The following ZNF678 variants were observed in gnomAD, a reference collection of about 807,000 sequenced individuals.
ZNF678 encodes the protein zinc finger protein 678.
A neutral mutation model predicts 3.0 loss-of-function variants in ZNF678; 5 were observed. The ratio of observed to expected loss-of-function variants is 1.69; its 90% CI spans 0.88 to 3.56. The LOEUF (loss-of-function observed/expected upper bound fraction) is 3.56, where lower values mean the gene tolerates loss of function less well. Ranked by LOEUF, ZNF678 falls within the 30% of genes most tolerant of loss-of-function variation. The pLI is 0.00. For missense variants in ZNF678, 593 were observed against 605.0 expected (o/e 0.98, Z 0.21); for synonymous variants, 218 against 199.6 (o/e 1.09, Z -0.78).
At chr1:227,591,521 C>T (rs1006467260) in intron 1 of ZNF678, among the ~76,000 whole-genome samples, 3 of 152,172 alleles carry the variant, frequency 2.0e-5, no homozygotes, top group African/African-American at 7.2e-5. Context: ...TTATTAATGA[C>T]AGCACAGGCA....
chr1:227,594,078 A>G (rs1195133341), intron 1 of ZNF678, among the ~76,000 whole-genome samples: 2 of 152,178 alleles, frequency 1.3e-5, no homozygotes, highest in Non-Finnish European at 2.9e-5. Context: ...TAAATGAAGT[A>G]TATAATTTTA....
intron 1 of ZNF678, among the ~76,000 whole-genome samples, chr1:227,628,123 C>T (rs538116323): frequency 2.6e-4 from 40 of 152,326 alleles, no homozygotes; most frequent in Admixed American, 1.6e-3. Context: ...ACAGTAAGAT[C>T]TCTTCCCTGT....
chr1:227,646,572 T>C lies in ZNF678; in HGVS notation c.-135T>C, dbSNP rs772922881. ...CTACTGGCATTCAGTGATGTGGTCA[T>C]AGAATTCTCTCCAGAGGAGTGGGCA... On this transcript the variant is annotated 5_prime_UTR_variant, in exon 2 of 4. The change abolishes the stop of an existing upstream ORF in the 5' untranslated region. Transcript: ENST00000343776. 47 of 1,371,868 alleles carry C rather than the reference T, an allele frequency of 3.4e-5. 2 individuals carry two copies. In the Admixed American group the frequency reaches 8.9e-4, roughly 26 times the overall value. The allele number at this position is 1,371,868 out of a possible 1,614,324, so 85.0% of individuals were successfully genotyped here.
intron 5 of ZNF678, among the ~76,000 whole-genome samples, chr1:227,670,967 A>ATT (rs139606967): frequency 7.2e-4 from 93 of 128,334 alleles, no homozygotes; most frequent in African/African-American, 1.7e-3. Flanking sequence ...GAGGCCTTTT[A>ATT]TTTTTTTTTT....
At chr1:227,614,271 G>A (rs1571887582) in intron 1 of ZNF678, among the ~76,000 whole-genome samples, 1 of 152,236 alleles carries the variant, frequency 6.6e-6, no homozygotes, top group South Asian at 2.1e-4. Context: ...TCCCTTTGTT[G>A]CTTCCACTGC....
intron 1 of ZNF678, chr1:227,598,703 C>A: frequency 1.9e-6 from 1 of 521,102 alleles, no homozygotes; most frequent in South Asian, 1.8e-5. Context: ...TTAAACTATC[C>A]TTACTGTCTG....
intron 2 of ZNF678, among the ~76,000 whole-genome samples, chr1:227,649,201 T>A (rs928066748): frequency 2.0e-5 from 3 of 152,238 alleles, no homozygotes; most frequent in African/African-American, 7.2e-5. Context: ...ACTGATTTCA[T>A]TTCCTTTGGT....
intron 1 of ZNF678, among the ~76,000 whole-genome samples, chr1:227,571,360 G>A (rs186351869): frequency 1.1e-4 from 17 of 152,244 alleles, no homozygotes; most frequent in African/African-American, 4.1e-4. Context: ...GATTTTATGG[G>A]TAAATGTTTC....
intron 1 of ZNF678, among the ~76,000 whole-genome samples, chr1:227,628,588 T>C (rs1166580123): frequency 6.6e-6 from 1 of 152,260 alleles, no homozygotes; most frequent in Non-Finnish European, 1.5e-5. Context: ...CGTTCCTCAC[T>C]GAGGGCCCTG....
Position 227,590,829 on chromosome 1 carries a change from G to A in ZNF678, c.-164+27105G>A, listed in dbSNP as rs766511782. ...CAGCTTTGGAAATTTACTCTGTGTC[G>A]TTTGAACTCCACCATGTGGTCTTCC... On this transcript the variant is annotated intron_variant, in intron 1 of 3. Coordinates refer to ENST00000343776, the MANE Select transcript of ZNF678 (RefSeq NM_001367909.1). Among the ~76,000 whole-genome samples the A allele has an allele frequency of 1.3e-4, 20 of 151,728 alleles. 1 individual carries two copies. Among genetic ancestry groups the A allele is most frequent in the Admixed American group, 7.9e-4 (12 of 15,196 alleles).
At chr1:227,637,850 G>C (rs1420064509) in intron 1 of ZNF678, among the ~76,000 whole-genome samples, 1 of 152,210 alleles carries the variant, frequency 6.6e-6, no homozygotes, top group African/African-American at 2.4e-5. Flanking sequence ...TGTGCGGTCA[G>C]TTGTGAGCCC....
chr1:227,651,516 TAGG>T (rs1659092613), intron 3 of ZNF678, among the ~76,000 whole-genome samples: 1 of 152,186 alleles, frequency 6.6e-6, no homozygotes, highest in African/African-American at 2.4e-5. Context: ...TCTGACTGGG[TAGG>T]ACCTCTTCTT....
At chr1:227,584,297 T>C (rs1657205310) in intron 1 of ZNF678, among the ~76,000 whole-genome samples, 1 of 152,194 alleles carries the variant, frequency 6.6e-6, no homozygotes, top group Admixed American at 6.5e-5. Flanking sequence ...AAGGCTTAAA[T>C]AGGAAAATTA....
chr1:227,642,744 G>A (rs1409743569), intron 1 of ZNF678, among the ~76,000 whole-genome samples: 1 of 151,624 alleles, frequency 6.6e-6, no homozygotes, highest in Non-Finnish European at 1.5e-5. Flanking sequence ...CTGTTGATGG[G>A]GTTGTATTCT....
intron 1 of ZNF678, among the ~76,000 whole-genome samples, chr1:227,632,526 G>T (rs1658572418): frequency 6.6e-6 from 1 of 152,062 alleles, no homozygotes. Context: ...TCTGCCTCTA[G>T]TCGGCCCTCG....
intron 1 of ZNF678, among the ~76,000 whole-genome samples, chr1:227,615,248 G>A (rs1658114754): frequency 6.6e-6 from 1 of 152,210 alleles, no homozygotes; most frequent in Non-Finnish European, 1.5e-5. Flanking sequence ...TACATACTCA[G>A]GATGTAGTTC....
At chr1:227,568,726 C>G (rs1055250854) in intron 1 of ZNF678, among the ~76,000 whole-genome samples, 7 of 152,046 alleles carry the variant, frequency 4.6e-5, no homozygotes, top group African/African-American at 1.7e-4. Flanking sequence ...TAGGTGGGTC[C>G]CTGGTGCATG....
intron 1 of ZNF678, among the ~76,000 whole-genome samples, chr1:227,574,039 T>A (rs1163706687): frequency 1.3e-5 from 2 of 152,242 alleles, no homozygotes; most frequent in Non-Finnish European, 2.9e-5. Flanking sequence ...TTTCATGGTG[T>A]ATATGTACCA....
chr1:227,592,069 C>T lies in ZNF678; in HGVS notation c.-164+28345C>T, dbSNP rs918845351. On this transcript the variant is annotated intron_variant, in intron 1 of 3. Transcript: ENST00000343776. ...AGTCTACTGGATGTTTAAGGATGGT[C>T]TCAGAGGTTGGGCCCACTAGAATAA... Among the ~76,000 whole-genome samples the T allele has an allele frequency of 3.3e-5, 5 of 152,308 alleles. No individual in the cohort carries two copies. In the East Asian group the frequency reaches 9.6e-4, roughly 29 times the overall value.
Sources: allele counts gnomAD v4.1 joint callset (sites outside exome capture counted in the v4.1 genomes callset), GRCh38; gene constraint gnomAD v4.1.1; transcripts MANE v1.5; gene names NCBI Gene and HGNC (gene_info 2026-07-23, HGNC 2026-07-21).